The following UPF2 variants were observed in gnomAD, a reference collection of about 807,000 sequenced individuals.
UPF2 encodes the protein regulator of nonsense transcripts 2.
Under a neutral mutation model 141.4 loss-of-function variants are expected in UPF2, and 17 were observed. The ratio of observed to expected loss-of-function variants is 0.12; its 90% CI spans 0.08 to 0.18. UPF2 has a LOEUF of 0.18. Ranked by LOEUF, UPF2 falls within the 10% of genes least tolerant of loss-of-function variation. The pLI is 1.00. For synonymous variants in UPF2, 540 were observed against 498.0 expected, an observed-to-expected ratio of 1.08 and a Z score of -1.12; for missense variants, 1,152 against 1,515.9, an observed-to-expected ratio of 0.76 and a Z score of 3.99.
intron 16 of UPF2, among the ~76,000 whole-genome samples, chr10:11,944,323 G>A (rs1043826742): frequency 5.9e-5 from 9 of 152,038 alleles, no homozygotes; most frequent in South Asian, 4.1e-4. Flanking sequence ...GCGAAACCCC[G>A]TCTCTACTAA....
Position 11,934,779 on chromosome 10 carries a change from G to A in UPF2, c.3546+1766C>T, listed in dbSNP as rs188091845. On this transcript the variant is annotated intron_variant, in intron 19 of 21. Coordinates refer to ENST00000357604, the MANE Select transcript of UPF2 (RefSeq NM_015542.4). ...TAATTTTTGTATTTTTAGTAGAGAC[G>A]GGGTTTCACTATGTTGGTCAGGCTG... Among the ~76,000 whole-genome samples the A allele has an allele frequency of 3.7e-3, 558 of 152,066 alleles. 2 individuals carry two copies. The highest frequency in any genetic ancestry group is 6.6e-3 in the Non-Finnish European group (449 of 67,944).
At chr10:12,008,733 T>A (rs778203933) in intron 4 of UPF2, among the ~76,000 whole-genome samples, 4 of 151,668 alleles carry the variant, frequency 2.6e-5, no homozygotes, top group African/African-American at 7.3e-5. Flanking sequence ...TGTGCAGGTG[T>A]GTTACATAGG....
intron 19 of UPF2, among the ~76,000 whole-genome samples, chr10:11,933,741 A>G (rs77296325): frequency 1.3e-5 from 2 of 152,362 alleles, no homozygotes; most frequent in South Asian, 2.1e-4. Context: ...TACACGTTCT[A>G]TAAGGGCCAG....
intron 9 of UPF2, among the ~76,000 whole-genome samples, chr10:11,972,926 A>G (rs1171937964): frequency 6.6e-6 from 1 of 152,166 alleles, no homozygotes; most frequent in Non-Finnish European, 1.5e-5. Context: ...GTCAAATGGT[A>G]TTTCCAGTTC....
At chr10:11,993,006 CG>C (rs904048587) in intron 8 of UPF2, among the ~76,000 whole-genome samples, 1 of 151,854 alleles carries the variant, frequency 6.6e-6, no homozygotes, top group African/African-American at 2.4e-5. Context: ...AAAAATTACC[CG>C]GGCGTGGTGG....
intron 11 of UPF2, among the ~76,000 whole-genome samples, chr10:11,960,028 C>T (rs1017694103): frequency 5.9e-5 from 9 of 152,046 alleles, no homozygotes; most frequent in African/African-American, 1.4e-4. Context: ...AGTCACTCAC[C>T]GTCTACTTCA....
intron 8 of UPF2, among the ~76,000 whole-genome samples, chr10:11,982,864 C>A (rs1219349467): frequency 1.3e-5 from 2 of 151,652 alleles, no homozygotes; most frequent in African/African-American, 2.4e-5. Flanking sequence ...AGGCGATCCA[C>A]CCCCCTCAGC....
chr10:11,945,464 AAGG>A (rs780799497), intron 16 of UPF2, among the ~76,000 whole-genome samples: 1 of 152,172 alleles, frequency 6.6e-6, no homozygotes, highest in Non-Finnish European at 1.5e-5. Flanking sequence ...CTTGGGGTGA[AAGG>A]AGAAGTGAAC....
intron 2 of UPF2, among the ~76,000 whole-genome samples, chr10:12,032,456 G>A (rs552436653): frequency 7.9e-5 from 12 of 152,192 alleles, no homozygotes; most frequent in African/African-American, 2.4e-4. Context: ...AATTATTGAT[G>A]CTAGGTAGAT....
intron 10 of UPF2, among the ~76,000 whole-genome samples, chr10:11,966,018 C>T (rs1221411852): frequency 6.6e-6 from 1 of 152,176 alleles, no homozygotes; most frequent in African/African-American, 2.4e-5. Context: ...TAATTAATTA[C>T]TGTTACTAAT....
chr10:12,029,398 G>A lies in UPF2; in HGVS notation c.492C>T (p.Leu164=), dbSNP rs11257490. Residue 164 remains leucine, a synonymous_variant, in exon 3 of 22, where the codon CTC becomes CTT. Coordinates refer to ENST00000357604, the MANE Select transcript of UPF2 (RefSeq NM_015542.4). ...SRPEENFFSR[L]DSSLKKNTAF... is the part of the protein sequence containing the mutation. ...CAGTATTTTTCTTCAAACTTGAGTC[G>A]AGGCGGCTGAAGAAGTTTTCCTCTG... is the stretch of plus-strand genomic sequence containing the variant. 0.18 allele frequency: 295,018 copies of A among 1,613,952 alleles called. 29,896 individuals are homozygous for A. The highest frequency in any genetic ancestry group is 0.47 in the East Asian group (21,000 of 44,872).
intron 16 of UPF2, 139 bp from the exon 17 acceptor site, chr10:11,943,307 T>C (rs1005581199): frequency 6.9e-6 from 5 of 727,062 alleles, no homozygotes; most frequent in Non-Finnish European, 1.1e-5. Flanking sequence ...TGGTTTCCAA[T>C]GGGAGGGCAA....
At position 11,959,215 on chromosome 10, in the gene UPF2, G is replaced by A. The variant is rs772630723; in HGVS notation, c.2326C>T (p.Arg776Trp). 21 of 1,610,858 alleles carry A rather than the reference G, an allele frequency of 1.3e-5. No homozygotes were observed. Among genetic ancestry groups the A allele is most frequent in the East Asian group, 2.2e-5 (1 of 44,830 alleles). The change falls in exon 12 of 22, where the codon CGG (arginine) becomes TGG (tryptophan). Residue 776 changes from arginine (R) to tryptophan (W), a missense_variant. By Grantham distance (101) the Arg-to-Trp change is moderately radical (BLOSUM62 -3). This residue lies in a region of UPF2 where 739 missense variants were observed against 1,032.2 expected (regional missense o/e 0.72). Coordinates refer to ENST00000357604, the MANE Select transcript of UPF2 (RefSeq NM_015542.4). The surrounding 1 kb of genome is among the most constrained non-coding windows in gnomAD (Gnocchi z 5.9). ...GAGAGATCCTTGTACAAAAGTTTCC[G>A]GACATATTCCTGGAGAGGAGGACGT... is the stretch of plus-strand genomic sequence containing the variant. ...KKRPPLQEYV[R>W]KLLYKDLSKV... is the part of the protein sequence containing the mutation.
At chr10:11,971,530 G>T (rs892240588) in intron 9 of UPF2, among the ~76,000 whole-genome samples, 2 of 152,124 alleles carry the variant, frequency 1.3e-5, no homozygotes, top group Non-Finnish European at 2.9e-5. Context: ...GGGATTACAG[G>T]CGTGAGCCAC....
At position 12,014,769 on chromosome 10, in the gene UPF2, T is replaced by C. The variant is rs1834189503; in HGVS notation, c.1146-585A>G. ...TAGGTTCAAAAGAAACAGAATCAGTTATCCTTAAACTTCCATAATGATTTG... is the reference window on the plus strand; with the variant it reads ...TAGGTTCAAAAGAAACAGAATCAGTCATCCTTAAACTTCCATAATGATTTG... On this transcript the variant is annotated intron_variant, in intron 3 of 21. Transcript: ENST00000357604. This position sits in a 1 kb window ranked among gnomAD's most constrained non-coding sequence, Gnocchi z 5.0. Among the ~76,000 whole-genome samples the C allele has an allele frequency of 1.3e-5, 2 of 152,210 alleles. No individual in the cohort carries two copies. The highest frequency in any genetic ancestry group is 2.9e-5 in the Non-Finnish European group (2 of 68,028).
intron 8 of UPF2, among the ~76,000 whole-genome samples, chr10:11,985,884 CTT>C (rs746117868): frequency 1.8e-4 from 18 of 100,720 alleles, no homozygotes; most frequent in Middle Eastern, 8.2e-3. Flanking sequence ...TAGATCCTTC[CTT>C]TTTTTTTTTT....
chr10:11,992,974 C>T lies in UPF2; in HGVS notation c.1844+4698G>A, dbSNP rs1399216183. ...GACCAGCCTGGTTAATATGGTGAAA[C>T]CCCGTTTCTACTAAAACTACAAAAA... On this transcript the variant is annotated intron_variant, in intron 8 of 21. Coordinates refer to ENST00000357604, the MANE Select transcript of UPF2 (RefSeq NM_015542.4). This position sits in a 1 kb window ranked among gnomAD's most constrained non-coding sequence, Gnocchi z 4.1. Among the ~76,000 whole-genome samples, 5 of 151,912 alleles carry T rather than the reference C, an allele frequency of 3.3e-5. No individual in the cohort carries two copies. The highest frequency in any genetic ancestry group is 2.0e-4 in the Admixed American group (3 of 15,226).
At chr10:11,988,390 G>A (rs1833728921) in intron 8 of UPF2, among the ~76,000 whole-genome samples, 3 of 152,164 alleles carry the variant, frequency 2.0e-5, no homozygotes, top group South Asian at 4.1e-4. Context: ...CAGAGTGCAC[G>A]AACTTCAAAT....
At chr10:12,010,335 T>C (rs1834105481) in intron 4 of UPF2, among the ~76,000 whole-genome samples, 1 of 152,238 alleles carries the variant, frequency 6.6e-6, no homozygotes, top group South Asian at 2.1e-4. Context: ...TGACAAGATT[T>C]GTAGACAAGG....
Sources: allele counts gnomAD v4.1 joint callset (sites outside exome capture counted in the v4.1 genomes callset), GRCh38; gene constraint gnomAD v4.1.1; regional missense constraint gnomAD v4.1.1; non-coding constraint Gnocchi (gnomAD v3.1); transcripts MANE v1.5; gene names NCBI Gene and HGNC (gene_info 2026-07-23, HGNC 2026-07-21).